Variants in SORBS2 observed in about 807,000 individuals in gnomAD.
SORBS2 encodes the protein sorbin and SH3 domain containing 2.
In SORBS2, 46 loss-of-function variants were observed where a neutral mutation model predicts 97.7. That is an observed-to-expected ratio of 0.47 (90% CI 0.37 to 0.60). The LOEUF (loss-of-function observed/expected upper bound fraction) is 0.60, where lower values mean the gene tolerates loss of function less well. Among genes scored for constraint, SORBS2 ranks in the 20% least tolerant of loss-of-function variants. SORBS2 has a pLI of 0.00. For synonymous variants in SORBS2, 476 were observed against 473.4 expected (o/e 1.01, Z -0.07); for missense variants, 1,316 against 1,282.3 (o/e 1.03, Z -0.40).
intron 1 of SORBS2, among the ~76,000 whole-genome samples, chr4:185,779,259 G>A (rs1021545077): frequency 1.3e-5 from 2 of 152,190 alleles, no homozygotes; most frequent in Non-Finnish European, 2.9e-5. Flanking sequence ...GGCTGTGGCT[G>A]TAGGTCACTT....
In SORBS2 at chr4:185,815,516, T is replaced by C. The variant is rs2099192753; in HGVS notation, c.-337-40150A>G. Among the ~76,000 whole-genome samples, 6 of 152,298 alleles carry C rather than the reference T, an allele frequency of 3.9e-5. No homozygotes were observed. The South Asian group carries it at 1.2e-3, about 32-fold the overall frequency. On this transcript the variant is annotated intron_variant, in intron 1 of 20. Transcript: ENST00000284776. ...ATCTCCATTCAGAAATTATGTTCAG[T>C]ATGAAAGCGTAGAATACCACACCAT...
At chr4:185,733,921 C>T (rs1477945178) in intron 2 of SORBS2, 178 bp downstream of exon 3, 1 of 152,302 alleles carries the variant, frequency 6.6e-6, no homozygotes, top group Non-Finnish European at 1.5e-5. Flanking sequence ...CTGGGAGTGG[C>T]ACGTACGTGA....
chr4:185,593,015 G>A (rs1233610015), intron 13 of SORBS2: 1 of 152,290 alleles, frequency 6.6e-6, no homozygotes, highest in Non-Finnish European at 1.5e-5. Flanking sequence ...TGGTGATAAA[G>A]GCACCAGGTC....
intron 1 of SORBS2, among the ~76,000 whole-genome samples, chr4:185,786,657 T>A (rs557471396): frequency 6.6e-6 from 1 of 152,300 alleles, no homozygotes; most frequent in African/African-American, 2.4e-5. Flanking sequence ...AGCCTGGATT[T>A]CCTTATCTAT....
intron 1 of SORBS2, among the ~76,000 whole-genome samples, chr4:185,889,532 T>C (rs2099241427): frequency 6.6e-6 from 1 of 152,192 alleles, no homozygotes; most frequent in South Asian, 2.1e-4. Flanking sequence ...AACTCTGCTG[T>C]GGCCTGCATA....
At chr4:185,919,985 T>A (rs2099260218) in intron 1 of SORBS2, among the ~76,000 whole-genome samples, 2 of 152,248 alleles carry the variant, frequency 1.3e-5, no homozygotes, top group Admixed American at 1.3e-4. Flanking sequence ...TTCTTATTAA[T>A]CTTCCTCAAT....
chr4:185,785,219 TAA>T (rs5864962), intron 1 of SORBS2, among the ~76,000 whole-genome samples: 48 of 149,146 alleles, frequency 3.2e-4, no homozygotes, highest in African/African-American at 9.9e-4. Context: ...TTTGAGCGTT[TAA>T]AAAAAAAAAC....
At chr4:185,648,642 T>C (rs1482674906) in intron 3 of SORBS2, among the ~76,000 whole-genome samples, 1 of 152,194 alleles carries the variant, frequency 6.6e-6, no homozygotes, top group African/African-American at 2.4e-5. Context: ...AATTTTTATA[T>C]TCTTATTTAT....
intron 2 of SORBS2, among the ~76,000 whole-genome samples, chr4:185,707,685 T>G (rs986909851): frequency 2.0e-5 from 3 of 152,122 alleles, no homozygotes; most frequent in African/African-American, 7.2e-5. Flanking sequence ...GAGATTTAAT[T>G]GACTCACAGT....
chr4:185,590,296 ATG>A (rs2095894020), intron 13 of SORBS2, among the ~76,000 whole-genome samples: 1 of 152,242 alleles, frequency 6.6e-6, no homozygotes, highest in African/African-American at 2.4e-5. Context: ...GATAGACAAA[ATG>A]TGTCAGACAT....
chr4:185,605,458 T>A lies in SORBS2; in HGVS notation c.2796+6322A>T, dbSNP rs114553324. ...ACACCATGTCTGACTAATTTTTGTA[T>A]TTTTAGTGGAGATGGGGGTTTTACC... On this transcript the variant is annotated intron_variant, in intron 12 of 14. Coordinates refer to ENST00000418609, the Ensembl canonical transcript of SORBS2. Among the ~76,000 whole-genome samples the A allele has an allele frequency of 8.2e-3, 1,248 of 151,724 alleles. 10 individuals carry two copies. Among genetic ancestry groups the A allele is most frequent in the Middle Eastern group, 0.027 (8 of 292 alleles).
chr4:185,877,247 A>G (rs2099234148), intron 1 of SORBS2, among the ~76,000 whole-genome samples: 1 of 152,206 alleles, frequency 6.6e-6, no homozygotes, highest in African/African-American at 2.4e-5. Context: ...CATCTATTAA[A>G]CATATTAGCT....
At position 185,830,479 on chromosome 4, in the gene SORBS2, C is replaced by A. The variant is rs145516986; in HGVS notation, c.-337-55113G>T. ...TGGAAGGAAGCAGCTGAACAAATAT[C>A]ATCATAAACGCTGAAGAAGTAGGAG... On this transcript the variant is annotated intron_variant, in intron 1 of 20. Transcript: ENST00000284776. Among the ~76,000 whole-genome samples, 266 of 152,288 alleles carry A rather than the reference C, an allele frequency of 1.7e-3. 1 individual carries two copies. The highest frequency in any genetic ancestry group is 3.8e-3 in the Admixed American group (58 of 15,284).
Position 185,625,279 on chromosome 4 carries a change from A to G in SORBS2, c.635-785T>C, listed in dbSNP as rs116824246. On this transcript the variant is annotated intron_variant, in intron 6 of 14. Transcript: ENST00000418609. ...TTTTCTCGGAAGAGTTCTTTGAAAA[A>G]TCATTTGCAATTTGATAATAGAGAT... 4.9e-3 allele frequency among the ~76,000 whole-genome samples: 738 copies of G among 151,458 alleles called. 1 individual carries two copies. Among genetic ancestry groups the G allele is most frequent in the African/African-American group, 0.017 (711 of 41,176 alleles).
At chr4:185,651,791 G>A (rs927756618) in intron 2 of SORBS2, 1 of 1,505,096 alleles carries the variant, frequency 6.6e-7, no homozygotes, top group Non-Finnish European at 9.2e-7. Context: ...TACCTGCATT[G>A]TATGTATAAG....
chr4:185,843,708 C>G (rs1381664697), intron 1 of SORBS2, among the ~76,000 whole-genome samples: 2 of 151,988 alleles, frequency 1.3e-5, no homozygotes, highest in Non-Finnish European at 2.9e-5. Flanking sequence ...TAAGTAAGAC[C>G]TGAAAGATGG....
At chr4:185,739,675 A>G (rs1467440117) in intron 2 of SORBS2, among the ~76,000 whole-genome samples, 2 of 152,158 alleles carry the variant, frequency 1.3e-5, no homozygotes, top group East Asian at 3.9e-4. Context: ...TCTTTTTAAA[A>G]TCTAAAAATG....
chr4:185,899,698 C>G (rs912914198), intron 1 of SORBS2, among the ~76,000 whole-genome samples: 9 of 152,176 alleles, frequency 5.9e-5, no homozygotes, highest in Admixed American at 5.9e-4. Flanking sequence ...ATAAAGAGCT[C>G]TCCTTAACAA....
intron 2 of SORBS2, among the ~76,000 whole-genome samples, chr4:185,682,012 A>C (rs56235904): frequency 0.068 from 10,371 of 152,256 alleles, 429 homozygotes; most frequent in Middle Eastern, 0.13. Flanking sequence ...AATTATTTTA[A>C]AATGTTGATT....
Sources: gnomAD v4.1 joint callset for allele counts (sites outside exome capture counted in the v4.1 genomes callset) on GRCh38, gnomAD v4.1.1 for gene constraint, MANE v1.5 for transcripts, NCBI Gene and HGNC (gene_info 2026-07-23, HGNC 2026-07-21) for gene names.